Variants in RGS22 observed in about 807,000 individuals in gnomAD.
RGS22 encodes regulator of G protein signaling 22, also known as regulator of G-protein signaling 22.
RGS22 carries 148 observed loss-of-function variants against 172.9 expected under a neutral mutation model. That is an observed-to-expected ratio of 0.86 (90% CI 0.75 to 0.98). The LOEUF (loss-of-function observed/expected upper bound fraction) is 0.98, where lower values mean the gene tolerates loss of function less well. RGS22 is among the 50% of genes least tolerant of loss of function. The pLI is 0.00. For missense variants in RGS22, 1,347 were observed against 1,440.8 expected, an observed-to-expected ratio of 0.93 and a Z score of 1.05; for synonymous variants, 458 against 480.2, an observed-to-expected ratio of 0.95 and a Z score of 0.60.
At position 99,987,601 on chromosome 8, in the gene RGS22, T is replaced by A; in HGVS notation, c.3037A>T (p.Ile1013Phe). 6.2e-7 allele frequency: 1 copy of A among 1,605,232 alleles called. No homozygotes were observed. The highest frequency in any genetic ancestry group is 1.7e-5 in the Admixed American group (1 of 59,616). The change falls in exon 21 of 28, where the codon ATC (isoleucine) becomes TTC (phenylalanine). Residue 1013 changes from isoleucine to phenylalanine, a missense_variant. Physicochemically the swap from Ile to Phe is conservative, Grantham distance 21. Transcript: ENST00000360863. ...GCAATGATTTTACAAGATGAAGAGATCCACTTACTCTCCACAGGCTGTCCA... is the reference window on the plus strand; with the variant it reads ...GCAATGATTTTACAAGATGAAGAGAACCACTTACTCTCCACAGGCTGTCCA... ...GVWKPVESKW[I>F]SSSCKIIAFR... is the part of the protein sequence containing the mutation.
chr8:100,006,982 T>C (rs1040266874), intron 15 of RGS22, among the ~76,000 whole-genome samples: 2 of 152,146 alleles, frequency 1.3e-5, no homozygotes, highest in African/African-American at 4.8e-5. Context: ...ATATTTAAAA[T>C]AATGACTGGA....
intron 24 of RGS22, among the ~76,000 whole-genome samples, chr8:99,964,091 C>T (rs1010984672): frequency 6.6e-6 from 1 of 151,958 alleles, no homozygotes; most frequent in African/African-American, 2.4e-5. Context: ...CTCTTTTTAA[C>T]CGATAAGGTA....
chr8:100,070,651 GTA>G (rs970967811), intron 6 of RGS22, among the ~76,000 whole-genome samples: 1 of 152,094 alleles, frequency 6.6e-6, no homozygotes, highest in African/African-American at 2.4e-5. Context: ...ATTTAATGGT[GTA>G]TAATGTGTTA....
At chr8:100,096,768 C>T (rs1361350788) in intron 2 of RGS22, among the ~76,000 whole-genome samples, 2 of 151,182 alleles carry the variant, frequency 1.3e-5, no homozygotes, top group Non-Finnish European at 1.5e-5. Context: ...CTAGACCTCC[C>T]GAAGTGCTGG....
At chr8:100,086,987 C>T (rs565406175) in intron 3 of RGS22, among the ~76,000 whole-genome samples, 2 of 152,200 alleles carry the variant, frequency 1.3e-5, no homozygotes, top group Middle Eastern at 3.4e-3. Context: ...GTGGTGCCAG[C>T]CGTCTGTGTT....
intron 3 of RGS22, among the ~76,000 whole-genome samples, chr8:100,083,651 C>T (rs1457399350): frequency 6.6e-6 from 1 of 151,868 alleles, no homozygotes; most frequent in Non-Finnish European, 1.5e-5. Flanking sequence ...CAGGCATAAG[C>T]CACTGTGCCC....
chr8:100,012,622 GAAAC>G (rs921919237), intron 14 of RGS22, among the ~76,000 whole-genome samples: 10 of 151,774 alleles, frequency 6.6e-5, no homozygotes, highest in Middle Eastern at 6.8e-3. Context: ...AGAAAAGAAA[GAAAC>G]AGAGAGAGAG....
chr8:100,079,388 G>A (rs1811585918), intron 4 of RGS22, among the ~76,000 whole-genome samples: 1 of 152,214 alleles, frequency 6.6e-6, no homozygotes, highest in Non-Finnish European at 1.5e-5. Context: ...GAAAGTTAAA[G>A]ATAGATACTA....
At chr8:99,999,464 A>C in intron 18 of RGS22, 44 bp from the exon 19 acceptor site, 1 of 1,592,278 alleles carries the variant, frequency 6.3e-7, no homozygotes, top group Non-Finnish European at 8.6e-7. Context: ...TGCTTTCTAA[A>C]AGAAACACTA....
chr8:100,088,341 A>G (rs1812312155), intron 3 of RGS22, among the ~76,000 whole-genome samples: 1 of 152,136 alleles, frequency 6.6e-6, no homozygotes, highest in Non-Finnish European at 1.5e-5. Context: ...TGTCACAAAC[A>G]TTTGAAACCA....
intron 14 of RGS22, among the ~76,000 whole-genome samples, chr8:100,030,144 T>C (rs1044560321): frequency 1.3e-5 from 2 of 152,216 alleles, no homozygotes; most frequent in African/African-American, 2.4e-5. Context: ...GGTGGTCTCA[T>C]AATATAATGG....
intron 3 of RGS22, among the ~76,000 whole-genome samples, chr8:100,081,189 G>A (rs1038747816): frequency 2.0e-5 from 3 of 151,986 alleles, no homozygotes; most frequent in Non-Finnish European, 4.4e-5. Flanking sequence ...ATGCTTAGGC[G>A]AGTGGTAGAA....
At position 99,962,463 on chromosome 8, in the gene RGS22, TTATGTATA is replaced by T. The variant is rs575579050; in HGVS notation, c.3791-28_3791-21del. 1.1e-5 allele frequency: 17 copies of T among 1,611,726 alleles called. No individual in the cohort carries two copies. The highest frequency in any genetic ancestry group is 1.4e-5 in the Non-Finnish European group (16 of 1,178,074). Reference sequence around the variant, plus strand: ...GTCACTCTGGAAAAGACATGAAGTTTTATGTATATATTTAGTCTTTCCTCCTTAGCAGA... The same window carrying T: ...GTCACTCTGGAAAAGACATGAAGTTTTATTTAGTCTTTCCTCCTTAGCAGA... On this transcript the variant is annotated intron_variant, in intron 26 of 27. Transcript: ENST00000360863.
intron 14 of RGS22, among the ~76,000 whole-genome samples, chr8:100,012,752 T>A (rs1210540865): frequency 1.3e-5 from 2 of 152,118 alleles, no homozygotes; most frequent in Non-Finnish European, 2.9e-5. Context: ...TAATTCCAAA[T>A]TCACTTCAAG....
chr8:100,054,638 A>C (rs1447639139), intron 9 of RGS22, among the ~76,000 whole-genome samples: 4 of 152,192 alleles, frequency 2.6e-5, no homozygotes, highest in African/African-American at 9.7e-5. Context: ...AAAAAGATGG[A>C]TATCTCTCCT....
intron 11 of RGS22, 63 bp downstream of exon 11, chr8:100,047,400 T>TTAAA: frequency 6.9e-7 from 1 of 1,450,704 alleles, no homozygotes; most frequent in Non-Finnish European, 9.2e-7. Flanking sequence ...TGTTTAGTTT[T>TTAAA]TAAATTCTCT....
chr8:100,086,292 G>A (rs866244811), intron 3 of RGS22, among the ~76,000 whole-genome samples: 2 of 152,188 alleles, frequency 1.3e-5, no homozygotes, highest in South Asian at 4.2e-4. Context: ...AAATAAGACT[G>A]GAGAGAAAGG....
Position 100,093,496 on chromosome 8 carries a change from G to A in RGS22, c.68C>T (p.Ala23Val), listed in dbSNP as rs1812741534. 1 of 1,592,212 alleles carries A rather than the reference G, an allele frequency of 6.3e-7. No individual in the cohort carries two copies. Among genetic ancestry groups the A allele is most frequent in the Non-Finnish European group, 8.6e-7 (1 of 1,166,310 alleles). The change falls in exon 3 of 28, where the codon GCA becomes GTA. Residue 23 changes from alanine (A) to valine (V), a missense_variant. Physicochemically the swap from Ala to Val is moderately conservative, Grantham distance 64. Transcript: ENST00000360863. ...ITEEEFEDSL[A>V]TDDFLVDYFN... ...GTAGTCTACAAGGAAATCATCTGTTGCCAGAGAATCTTCCTGCAAAAAAAA... is the reference window on the plus strand; with the variant it reads ...GTAGTCTACAAGGAAATCATCTGTTACCAGAGAATCTTCCTGCAAAAAAAA...
At chr8:100,016,339 C>T (rs972925908) in intron 14 of RGS22, among the ~76,000 whole-genome samples, 1 of 150,690 alleles carries the variant, frequency 6.6e-6, no homozygotes, top group Non-Finnish European at 1.5e-5. Flanking sequence ...TAAACGATTG[C>T]ACCTAAATGT....
Sources: allele counts gnomAD v4.1 joint callset (sites outside exome capture counted in the v4.1 genomes callset), GRCh38; gene constraint gnomAD v4.1.1; transcripts MANE v1.5; gene names NCBI Gene and HGNC (gene_info 2026-07-23, HGNC 2026-07-21).